NAALAD2: variants seen among roughly 807,000 people sequenced by gnomAD.
The protein encoded by NAALAD2 is N-acetylated-alpha-linked acidic dipeptidase 2.
A neutral mutation model predicts 95.6 loss-of-function variants in NAALAD2; 89 were observed. The observed-to-expected ratio is 0.93, with a 90% CI of 0.78 to 1.11. NAALAD2 has a LOEUF of 1.11. Ranked by LOEUF, NAALAD2 falls within the 50% of genes least tolerant of loss-of-function variation. The pLI is 0.00. For missense variants in NAALAD2, 894 were observed against 872.4 expected, an observed-to-expected ratio of 1.02 and a Z score of -0.31; for synonymous variants, 264 against 294.4, an observed-to-expected ratio of 0.90 and a Z score of 1.06.
chr11:90,148,980 A>C (rs1398052580), intron 3 of NAALAD2, 26 bp from the exon 4 acceptor site: 1 of 1,419,356 alleles, frequency 7.0e-7, no homozygotes, highest in East Asian at 2.3e-5. Context: ...AATTTTTCTA[A>C]CTTGACATAT....
chr11:90,148,578 T>C (rs1951808118), intron 3 of NAALAD2, among the ~76,000 whole-genome samples: 1 of 152,130 alleles, frequency 6.6e-6, no homozygotes, highest in African/African-American at 2.4e-5. Flanking sequence ...GCATATTAGC[T>C]ATTGGTAAAA....
chr11:90,190,241 A>C lies in NAALAD2; in HGVS notation c.2034-1317A>C, dbSNP rs1420968122. 2.7e-4 allele frequency among the ~76,000 whole-genome samples: 41 copies of C among 152,180 alleles called. 1 individual carries two copies. Among genetic ancestry groups the C allele is most frequent in the Non-Finnish European group, 8.8e-5 (6 of 68,030 alleles). ...CAGTACTTTTATCACCATCATTTTT[A>C]AGATAACAGGCACAGGGAGGTTAAA... is the stretch of plus-strand genomic sequence containing the variant. On this transcript the variant is annotated intron_variant, in intron 18 of 18. Transcript: ENST00000534061.
intron 2 of NAALAD2, among the ~76,000 whole-genome samples, chr11:90,136,830 C>A (rs1317592708): frequency 6.6e-6 from 1 of 151,946 alleles, no homozygotes; most frequent in Non-Finnish European, 1.5e-5. Context: ...TAAGAAAATG[C>A]CTAAGATAAG....
intron 11 of NAALAD2, among the ~76,000 whole-genome samples, chr11:90,166,872 CG>C: frequency 6.6e-6 from 1 of 151,722 alleles, no homozygotes; most frequent in Middle Eastern, 3.4e-3. Flanking sequence ...GATTTCCACC[CG>C]GCACGGTGGC....
intron 11 of NAALAD2, among the ~76,000 whole-genome samples, chr11:90,168,129 G>A (rs1389981923): frequency 1.3e-5 from 2 of 152,094 alleles, no homozygotes; most frequent in East Asian, 1.9e-4. Flanking sequence ...AACCCACCAG[G>A]AGGAAGGAAC....
intron 8 of NAALAD2, 51 bp from the exon 9 acceptor site, chr11:90,162,898 T>TTATG: frequency 9.4e-7 from 1 of 1,059,552 alleles, no homozygotes; most frequent in Non-Finnish European, 1.4e-6. Flanking sequence ...TAAAACACTG[T>TTATG]AAAAAACATA....
At position 90,191,658 on chromosome 11, in the gene NAALAD2, C is replaced by T. The variant is rs751101815; in HGVS notation, c.2134C>T (p.Arg712Cys). Reference sequence around the variant, plus strand: ...TGATATTGAAAATAAAGCCAACTCTCGTTTGGCCTGGAAAGAAGTAAAGAA... The same window carrying T: ...TGATATTGAAAATAAAGCCAACTCTTGTTTGGCCTGGAAAGAAGTAAAGAA... ...IFDIENKANS[R>C]LAWKEVKKHI... Residue 712 changes from arginine to cysteine, a missense_variant, in exon 19 of 19, where the codon CGT becomes TGT. Transcript: ENST00000534061. 1.0e-5 allele frequency: 16 copies of T among 1,605,304 alleles called. No individual in the cohort carries two copies. The South Asian group carries it at 1.3e-4, about 14-fold the overall frequency.
At chr11:90,167,491 C>T (rs1952504407) in intron 11 of NAALAD2, among the ~76,000 whole-genome samples, 1 of 152,198 alleles carries the variant, frequency 6.6e-6, no homozygotes, top group Non-Finnish European at 1.5e-5. Context: ...CCACGGCGAC[C>T]AGTCCCATCG....
At chr11:90,132,573 A>G (rs1951369265), upstream of NAALAD2, among the ~76,000 whole-genome samples, 1 of 152,190 alleles carries the variant, frequency 6.6e-6, no homozygotes, top group African/African-American at 2.4e-5. Context: ...AACATTTGAT[A>G]TTGTTTGAGA....
intron 18 of NAALAD2, among the ~76,000 whole-genome samples, chr11:90,187,303 C>G (rs1282084089): frequency 2.0e-5 from 3 of 151,886 alleles, no homozygotes; most frequent in Admixed American, 2.0e-4. Context: ...AGCATTTGAC[C>G]CAGGGTAAAC....
intron 11 of NAALAD2, among the ~76,000 whole-genome samples, chr11:90,166,247 CTCTG>C (rs10552089): frequency 0.13 from 20,213 of 152,048 alleles, 1,529 homozygotes; most frequent in South Asian, 0.2. Context: ...GCATGTTCCT[CTCTG>C]TCTGTGTGTT....
At chr11:90,185,064 C>T (rs1300012581) in intron 18 of NAALAD2, among the ~76,000 whole-genome samples, 2 of 151,934 alleles carry the variant, frequency 1.3e-5, no homozygotes, top group Admixed American at 1.3e-4. Context: ...GGGAGTTGAG[C>T]ATCCTTAAAT....
chr11:90,178,716 T>C (rs1952879500), intron 16 of NAALAD2, among the ~76,000 whole-genome samples: 1 of 151,790 alleles, frequency 6.6e-6, no homozygotes, highest in African/African-American at 2.4e-5. Context: ...ATTAGAAAAA[T>C]GTAACATTAT....
In NAALAD2 at chr11:90,158,175, G is replaced by T. The variant is rs756806475; in HGVS notation, c.827G>T (p.Gly276Val). ...ACTTTCAGACTTGATGTTGAAGAAG[G>T]AGTGGGAATCCCCCGAATACCTGTA... ...EYTFRLDVEE[G>V]VGIPRIPVHP... Residue 276 changes from glycine to valine, a missense_variant, in exon 7 of 19, where the codon GGA becomes GTA. By Grantham distance (109) the Gly-to-Val change is moderately radical (BLOSUM62 -3). Transcript: ENST00000534061. 1 of 1,609,318 alleles carries T rather than the reference G, an allele frequency of 6.2e-7. No individual in the cohort carries two copies. Among genetic ancestry groups the T allele is most frequent in the South Asian group, 1.1e-5 (1 of 90,046 alleles).
intron 17 of NAALAD2, among the ~76,000 whole-genome samples, 165 bp downstream of exon 17, chr11:90,181,866 A>G (rs1952983477): frequency 6.6e-6 from 1 of 152,090 alleles, no homozygotes; most frequent in Non-Finnish European, 1.5e-5. Context: ...TTAGAAAGGC[A>G]AAATATCAGA....
intron 13 of NAALAD2, among the ~76,000 whole-genome samples, chr11:90,172,126 CAGGATGT>C (rs1952660070): frequency 6.6e-6 from 1 of 152,254 alleles, no homozygotes; most frequent in East Asian, 1.9e-4. Flanking sequence ...TCAATCCAAG[CAGGATGT>C]AGGAACTGGA....
chr11:90,162,061 G>A (rs1391155376), intron 8 of NAALAD2, among the ~76,000 whole-genome samples: 1 of 152,010 alleles, frequency 6.6e-6, no homozygotes, highest in African/African-American at 2.4e-5. Flanking sequence ...CAATATACAA[G>A]TTTCGGGGGC....
chr11:90,167,988 T>C (rs1952524376), intron 11 of NAALAD2, among the ~76,000 whole-genome samples: 1 of 152,158 alleles, frequency 6.6e-6, no homozygotes, highest in Non-Finnish European at 1.5e-5. Context: ...TCCTTCCACG[T>C]TGTGAAAGAT....
At chr11:90,169,170 G>A in intron 12 of NAALAD2, 178 bp downstream of exon 12, 2 of 481,570 alleles carry the variant, frequency 4.2e-6, no homozygotes, top group South Asian at 7.4e-5. Flanking sequence ...TTTTGCCACA[G>A]AGAAAATAAT....
Sources: gnomAD v4.1 joint callset for allele counts (sites outside exome capture counted in the v4.1 genomes callset) on GRCh38, gnomAD v4.1.1 for gene constraint, MANE v1.5 for transcripts, NCBI Gene and HGNC (gene_info 2026-07-23, HGNC 2026-07-21) for gene names.